Variants in DNMT3A observed in about 807,000 individuals in gnomAD.
DNMT3A encodes DNA methyltransferase 3 alpha, also known as DNA (cytosine-5)-methyltransferase 3A.
Under a neutral mutation model 117.6 loss-of-function variants are expected in DNMT3A, and 267 were observed. That is an observed-to-expected ratio of 2.27 (90% confidence interval 2.05 to 2.51). The LOEUF (loss-of-function observed/expected upper bound fraction) is 2.51, where lower values mean the gene tolerates loss of function less well. Ranked by LOEUF, DNMT3A falls within the 30% of genes most tolerant of loss-of-function variation. The pLI is 0.00. For missense variants in DNMT3A, 1,029 were observed against 1,260.2 expected (o/e 0.82, Z 2.78); for synonymous variants, 432 against 474.8 (o/e 0.91, Z 1.17).
chr2:25,259,091 A>G (rs1676396498), intron 6 of DNMT3A, among the ~76,000 whole-genome samples: 1 of 152,228 alleles, frequency 6.6e-6, no homozygotes, highest in Non-Finnish European at 1.5e-5. Flanking sequence ...CTAATGGTGT[A>G]TGCTGGGAAG....
chr2:25,300,389 C>T, intron 2 of DNMT3A, 146 bp from the exon 3 acceptor site: 3 of 827,454 alleles, frequency 3.6e-6, no homozygotes, highest in Admixed American at 5.9e-5. Context: ...GTGTAATATG[C>T]CCCCACCAAC....
rs1573482116 is a variant in DNMT3A at position 25,314,064 on chromosome 2, G to A, written c.-80C>T. 2.1e-6 allele frequency: 3 copies of A among 1,450,570 alleles called. No individual in the cohort carries two copies. Among genetic ancestry groups the A allele is most frequent in the East Asian group, 2.5e-5 (1 of 39,392 alleles). 89.9% of individuals were successfully genotyped at this position (1,450,570 alleles called of 1,614,324 possible). On this transcript the variant is annotated 5_prime_UTR_variant, in exon 2 of 23. Coordinates refer to ENST00000321117, the MANE Select transcript of DNMT3A (RefSeq NM_022552.5). ...TGGGGAAGGAATTATCGTGGTCTTTGGAGGCGAGAGTTAAAACTTAAACAT... is the reference window on the plus strand; with the variant it reads ...TGGGGAAGGAATTATCGTGGTCTTTAGAGGCGAGAGTTAAAACTTAAACAT...
chr2:25,262,800 T>C (rs866180037), intron 6 of DNMT3A, among the ~76,000 whole-genome samples: 1 of 152,084 alleles, frequency 6.6e-6, no homozygotes, highest in Non-Finnish European at 1.5e-5. Flanking sequence ...CATCTTGCTT[T>C]CTAGTTCTGT....
chr2:25,265,540 C>T (rs1408457727), intron 6 of DNMT3A, among the ~76,000 whole-genome samples: 1 of 152,160 alleles, frequency 6.6e-6, no homozygotes, highest in Non-Finnish European at 1.5e-5. Flanking sequence ...TACTTCTGGC[C>T]GGGCGCGGTG....
At chr2:25,284,257 C>T (rs1259004030) in intron 3 of DNMT3A, among the ~76,000 whole-genome samples, 1 of 152,234 alleles carries the variant, frequency 6.6e-6, no homozygotes, top group Non-Finnish European at 1.5e-5. Context: ...GTTTCCCCAC[C>T]TGTCAGGTGG....
chr2:25,298,932 T>A lies in DNMT3A; in HGVS notation c.177+1207A>T, dbSNP rs1573452657. Among the ~76,000 whole-genome samples the A allele has an allele frequency of 9.4e-6, 1 of 105,822 alleles. No homozygotes were observed. The highest frequency in any genetic ancestry group is 2.0e-5 in the Non-Finnish European group (1 of 49,332). The allele number at this position is 105,822 out of a possible 152,430, so 69.4% of individuals were successfully genotyped here. ...TCCCACACCCCCCACCTCCAGGAAC[T>A]CACCACCCCCCCCGCCTCTACTGTC... On this transcript the variant is annotated intron_variant, in intron 3 of 22. Transcript: ENST00000321117. This position sits in a 1 kb window ranked among gnomAD's most constrained non-coding sequence, Gnocchi z 4.3.
Position 25,244,601 on chromosome 2 carries a change from A to AGGACTGGTAGCCGTCGTCGTC in DNMT3A, c.1585_1605dup (p.Asp529_Ser535dup). On this transcript the variant is annotated inframe_insertion, in exon 14 of 23. Transcript: ENST00000321117. ...CGGCCCCCACAGCAGATGGTGCAGT[A>AGGACTGGTAGCCGTCGTCGTC]GGACTGGTAGCCGTCGTCGTCGTAC... The AGGACTGGTAGCCGTCGTCGTC allele has an allele frequency of 6.2e-7, 1 of 1,614,216 alleles. No homozygotes were observed. Among genetic ancestry groups the AGGACTGGTAGCCGTCGTCGTC allele is most frequent in the Non-Finnish European group, 8.5e-7 (1 of 1,180,018 alleles).
Position 25,247,931 on chromosome 2 carries a change from G to C in DNMT3A, c.855+106C>G. 1.3e-6 allele frequency: 2 copies of C among 1,544,420 alleles called. No individual in the cohort carries two copies. The highest frequency in any genetic ancestry group is 1.8e-6 in the Non-Finnish European group (2 of 1,142,162). On this transcript the variant is annotated intron_variant, in intron 7 of 22. Coordinates refer to ENST00000321117, the MANE Select transcript of DNMT3A (RefSeq NM_022552.5). The surrounding 1 kb of genome is among the most constrained non-coding windows in gnomAD (Gnocchi z 5.6). ...GAAGAGGCCCGGGGTCAGGTGGAGA[G>C]AGCGAGCGGCCCGTGGGAGATGGAG... is the stretch of plus-strand genomic sequence containing the variant.
At position 25,337,079 on chromosome 2, in the gene DNMT3A, G is replaced by A. The variant is rs748352169; in HGVS notation, c.-178+4747C>T. 3.9e-5 allele frequency among the ~76,000 whole-genome samples: 6 copies of A among 152,220 alleles called. No individual in the cohort carries two copies. In the East Asian group the frequency reaches 7.7e-4, roughly 19 times the overall value. Reference sequence around the variant, plus strand: ...CAGCACATCTCTGGAAAATGGAAGCGAATACGGTGGGAAAGTGCTGCTGCA... The same window carrying A: ...CAGCACATCTCTGGAAAATGGAAGCAAATACGGTGGGAAAGTGCTGCTGCA... On this transcript the variant is annotated intron_variant, in intron 1 of 22. Transcript: ENST00000321117. This position sits in a 1 kb window ranked among gnomAD's most constrained non-coding sequence, Gnocchi z 5.0.
rs199507359 is a variant in DNMT3A at position 25,246,602 on chromosome 2, C to T, written c.1279+18G>A. ...CCTGGCGGGCAGGGGTCCCAGAAAG[C>T]TGGGTGCCCTCATTTACCTTCTGGT... On this transcript the variant is annotated intron_variant, in intron 10 of 22. Transcript: ENST00000321117. 835 of 1,600,500 alleles carry T rather than the reference C, an allele frequency of 5.2e-4. 4 individuals are homozygous for T. The African/African-American group carries it at 0.01, about 19-fold the overall frequency.
At chr2:25,313,620 T>C (rs1373830275) in intron 2 of DNMT3A, among the ~76,000 whole-genome samples, 1 of 152,214 alleles carries the variant, frequency 6.6e-6, no homozygotes, top group Non-Finnish European at 1.5e-5. Flanking sequence ...TGGGACTCTC[T>C]GTGAGGCCGA....
At position 25,261,086 on chromosome 2, in the gene DNMT3A, G is replaced by A. The variant is rs189279845; in HGVS notation, c.640-12834C>T. On this transcript the variant is annotated intron_variant, in intron 6 of 22. Coordinates refer to ENST00000321117, the MANE Select transcript of DNMT3A (RefSeq NM_022552.5). ...AGGTGGGCAGATCACTTGAGGTCAG[G>A]AGTTCGAGACCAGCCTGGCCAACAT... 7.2e-5 allele frequency among the ~76,000 whole-genome samples: 11 copies of A among 152,254 alleles called. No individual in the cohort carries two copies. In the East Asian group the frequency reaches 1.7e-3, roughly 24 times the overall value.
intron 5 of DNMT3A, 78 bp downstream of exon 5, chr2:25,275,422 C>A: frequency 6.7e-7 from 1 of 1,485,058 alleles, no homozygotes; most frequent in South Asian, 1.2e-5. Context: ...CCACCCTCCG[C>A]CCCCTCACAC....
chr2:25,275,939 AAGG>A (rs1444796738), intron 4 of DNMT3A, among the ~76,000 whole-genome samples: 1 of 151,998 alleles, frequency 6.6e-6, no homozygotes, highest in Non-Finnish European at 1.5e-5. Flanking sequence ...GGGGGTGCGG[AAGG>A]AGGAGGGGGT....
Position 25,241,621 on chromosome 2 carries a change from C to T in DNMT3A, c.2023G>A (p.Val675Met), listed in dbSNP as rs1025238838. The change falls in exon 17 of 23, where the codon GTG (valine) becomes ATG (methionine). Residue 675 changes from valine (V) to methionine (M), a missense_variant. Physicochemically the swap from Val to Met is conservative, Grantham distance 21. Coordinates refer to ENST00000321117, the MANE Select transcript of DNMT3A (RefSeq NM_022552.5). Reference protein sequence around the residue: ...VCEDSITVGMVRHQGKIMYVG... With the variant: ...VCEDSITVGMMRHQGKIMYVG... ...TACATGATCTTCCCCTGGTGCCGCA[C>T]CATGCCCACCGTGATGGAGTCCTCA... 2.5e-6 allele frequency: 4 copies of T among 1,614,078 alleles called. No individual in the cohort carries two copies. The highest frequency in any genetic ancestry group is 2.5e-6 in the Non-Finnish European group (3 of 1,180,012).
At chr2:25,277,602 C>T (rs1036965361) in intron 4 of DNMT3A, among the ~76,000 whole-genome samples, 2 of 152,166 alleles carry the variant, frequency 1.3e-5, no homozygotes, top group African/African-American at 4.8e-5. Context: ...CTCCCCAGCC[C>T]GCTTTAGAAC....
intron 2 of DNMT3A, among the ~76,000 whole-genome samples, chr2:25,310,986 C>T (rs1224620635): frequency 6.6e-6 from 1 of 152,190 alleles, no homozygotes; most frequent in African/African-American, 2.4e-5. Context: ...ACAGCCTGGG[C>T]TTTGAGGCTT....
At chr2:25,318,698 C>CTTTTTT (rs375722790) in intron 1 of DNMT3A, among the ~76,000 whole-genome samples, 8 of 132,258 alleles carry the variant, frequency 6.0e-5, no homozygotes, top group African/African-American at 8.4e-5. Context: ...TTTTTCTTTT[C>CTTTTTT]TTTTTTTTTT....
intron 1 of DNMT3A, among the ~76,000 whole-genome samples, chr2:25,326,356 A>C (rs1328818419): frequency 6.6e-6 from 1 of 152,180 alleles, no homozygotes; most frequent in African/African-American, 2.4e-5. Flanking sequence ...TGAGAATTTC[A>C]TAAGAAGGAT....
Sources: allele counts gnomAD v4.1 joint callset (sites outside exome capture counted in the v4.1 genomes callset), GRCh38; gene constraint gnomAD v4.1.1; non-coding constraint Gnocchi (gnomAD v3.1); transcripts MANE v1.5; gene names NCBI Gene and HGNC (gene_info 2026-07-23, HGNC 2026-07-21).